The following D2HGDH variants were observed in gnomAD, a reference collection of about 807,000 sequenced individuals.
The protein encoded by D2HGDH is D-2-hydroxyglutarate dehydrogenase, mitochondrial.
In D2HGDH, 31 loss-of-function variants were observed where a neutral mutation model predicts 46.9. That is an observed-to-expected ratio of 0.66 (90% CI 0.50 to 0.89). The LOEUF (loss-of-function observed/expected upper bound fraction) is 0.89, where lower values mean the gene tolerates loss of function less well. D2HGDH is among the 40% of genes least tolerant of loss of function. D2HGDH has a pLI of 0.00. For missense variants in D2HGDH, 698 were observed against 720.8 expected, an observed-to-expected ratio of 0.97 and a Z score of 0.36; for synonymous variants, 364 against 332.6, an observed-to-expected ratio of 1.09 and a Z score of -1.03.
At chr2:241,763,087 C>T (rs1698975780) in intron 9 of D2HGDH, among the ~76,000 whole-genome samples, 2 of 152,238 alleles carry the variant, frequency 1.3e-5, no homozygotes, top group Admixed American at 6.5e-5. Flanking sequence ...TTAATCTCCA[C>T]ATTCTCAGCC....
intron 8 of D2HGDH, chr2:241,755,589 C>T: frequency 6.7e-6 from 10 of 1,487,490 alleles, no homozygotes; most frequent in Non-Finnish European, 9.0e-6. Flanking sequence ...GGGACATTCA[C>T]TGTCTGGGAT....
intron 8 of D2HGDH, chr2:241,755,188 C>T (rs1697961216): frequency 1.0e-5 from 13 of 1,298,846 alleles, no homozygotes; most frequent in South Asian, 3.8e-5. Context: ...CGTGGCCCGC[C>T]CGCCGTGTCC....
chr2:241,737,044 C>A (rs1278554482), intron 2 of D2HGDH, among the ~76,000 whole-genome samples: 1 of 152,142 alleles, frequency 6.6e-6, no homozygotes, highest in Non-Finnish European at 1.5e-5. Flanking sequence ...TCTCGGCTTA[C>A]TGCAAGCTCC....
In D2HGDH at chr2:241,756,025, C is replaced by A; in HGVS notation, c.1306+11C>A. On this transcript the variant is annotated intron_variant, in intron 9 of 9. Coordinates refer to ENST00000321264, the MANE Select transcript of D2HGDH (RefSeq NM_152783.5). ...GCTATGGCCACCTTGGTGAGCGGCG[C>A]CCCGGGGCCGCGGCCCTGTGTGTGC... 1.9e-6 allele frequency: 3 copies of A among 1,592,386 alleles called. No homozygotes were observed. The highest frequency in any genetic ancestry group is 2.6e-6 in the Non-Finnish European group (3 of 1,165,168).
chr2:241,745,063 A>G (rs941849408), intron 6 of D2HGDH, among the ~76,000 whole-genome samples, 186 bp downstream of exon 6: 1 of 152,026 alleles, frequency 6.6e-6, no homozygotes, highest in Non-Finnish European at 1.5e-5. Context: ...CCTGGTGGTC[A>G]TGGGTAAAGG....
chr2:241,759,238 A>G (rs573446532), intron 9 of D2HGDH, among the ~76,000 whole-genome samples: 32 of 152,220 alleles, frequency 2.1e-4, no homozygotes, highest in African/African-American at 6.7e-4. Flanking sequence ...TGTTCATTCT[A>G]CATCCTGCTG....
Position 241,768,198 on chromosome 2 carries a change from C to A in D2HGDH, c.*229C>A, listed in dbSNP as rs1699308851. The A allele has an allele frequency of 1.5e-6, 1 of 675,332 alleles. No individual in the cohort carries two copies. Among genetic ancestry groups the A allele is most frequent in the Non-Finnish European group, 2.4e-6 (1 of 410,588 alleles). 41.8% of individuals were successfully genotyped at this position (675,332 alleles called of 1,614,324 possible). A position where few individuals can be genotyped will look rare whatever the true frequency, so the allele number is the denominator to read the frequency against. On this transcript the variant is annotated 3_prime_UTR_variant, in exon 10 of 10. Transcript: ENST00000321264. ...CCCTCCTTTGCAGGGCGAGGTGGGG[C>A]CTCTGCAGCCATCCTGGACAGGCCG...
At chr2:241,759,681 T>A (rs573178455) in intron 9 of D2HGDH, among the ~76,000 whole-genome samples, 53 of 152,358 alleles carry the variant, frequency 3.5e-4, no homozygotes, top group African/African-American at 1.2e-3. Context: ...CTGCTCTTTG[T>A]CTCTCACTTC....
chr2:241,753,697 G>A (rs941270573), intron 8 of D2HGDH, among the ~76,000 whole-genome samples: 7 of 152,236 alleles, frequency 4.6e-5, no homozygotes, highest in African/African-American at 1.4e-4. Context: ...CAGATGCCCC[G>A]GGCTCCTCTG....
rs183342534 is a variant in D2HGDH at position 241,751,331 on chromosome 2, G to A, written c.1083G>A (p.Ala361=). 4.4e-5 allele frequency: 71 copies of A among 1,613,662 alleles called. No homozygotes were observed. Among genetic ancestry groups the A allele is most frequent in the Non-Finnish European group, 5.8e-5 (68 of 1,180,030 alleles). Residue 361 remains alanine (A), a synonymous_variant, in exon 8 of 10, where the codon GCG becomes GCA. Coordinates refer to ENST00000321264, the MANE Select transcript of D2HGDH (RefSeq NM_152783.5). ...AEKLGHFLEH[A]LGSGLVTDGT... is the part of the protein sequence containing the mutation. ...AGCTGGGCCACTTCCTGGAGCACGC[G>A]CTGGGCTCCGGCCTGGTGACCGATG...
At chr2:241,748,749 G>C (rs1696529191) in intron 6 of D2HGDH, 6 of 1,037,292 alleles carry the variant, frequency 5.8e-6, no homozygotes, top group African/African-American at 5.2e-5. Flanking sequence ...CGGAACGGCT[G>C]GGGCAGCCTT....
intron 9 of D2HGDH, among the ~76,000 whole-genome samples, chr2:241,756,327 G>A (rs571635443): frequency 9.8e-5 from 15 of 152,328 alleles, no homozygotes; most frequent in East Asian, 9.7e-4. Context: ...CCTTAACCCC[G>A]GAGTCCGGGA....
chr2:241,760,887 C>T (rs1698742459), intron 9 of D2HGDH, among the ~76,000 whole-genome samples: 1 of 152,266 alleles, frequency 6.6e-6, no homozygotes. Flanking sequence ...AAATCAGTGT[C>T]TGTCATCTCC....
intron 8 of D2HGDH, among the ~76,000 whole-genome samples, chr2:241,752,242 G>A (rs1025031089): frequency 4.6e-5 from 7 of 152,146 alleles, no homozygotes; most frequent in Non-Finnish European, 7.4e-5. Context: ...GGGCAAAACG[G>A]TGTCTGCTCC....
In D2HGDH at chr2:241,760,047, AGC is replaced by A. The variant is rs1274716278; in HGVS notation, c.1306+4035_1306+4036del. Among the ~76,000 whole-genome samples, 13 of 142,952 alleles carry A rather than the reference AGC, an allele frequency of 9.1e-5. 1 individual carries two copies. Among genetic ancestry groups the A allele is most frequent in the African/African-American group, 3.6e-4 (13 of 36,266 alleles). The allele number at this position is 142,952 out of a possible 152,430, so 93.8% of individuals were successfully genotyped here. A position where few individuals can be genotyped will look rare whatever the true frequency, so the allele number is the denominator to read the frequency against. On this transcript the variant is annotated intron_variant, in intron 9 of 9. Coordinates refer to ENST00000321264, the MANE Select transcript of D2HGDH (RefSeq NM_152783.5). ...CCAATCAGTCGAAGGACTTCGCCAC[AGC>A]GTGGGTGGGCCTTACCCAGTCGAAG...
chr2:241,741,075 TG>T lies in D2HGDH; in HGVS notation c.336del (p.Ser113ProfsTer14). On this transcript the variant is annotated frameshift_variant, in exon 3 of 10. Coordinates refer to ENST00000321264, the MANE Select transcript of D2HGDH (RefSeq NM_152783.5). LOFTEE classifies it high-confidence loss of function. The stretch of plus-strand genomic sequence containing the variant: ...CTGAGGCCACGGACGTCGGAGGAGG[TG>T]TCCCACATCCTCAGGTGAGGTGGTG... ...VLLRPRTSEE[V>X]SHILRHCHER... 1 of 1,613,728 alleles carries T rather than the reference TG, an allele frequency of 6.2e-7. No homozygotes were observed. The highest frequency in any genetic ancestry group is 8.5e-7 in the Non-Finnish European group (1 of 1,179,952).
At chr2:241,749,158 G>A (rs1275202534) in intron 6 of D2HGDH, 4 of 842,882 alleles carry the variant, frequency 4.7e-6, no homozygotes, top group Non-Finnish European at 6.1e-6. Context: ...CCCACTCTGA[G>A]CAAGATGCCC....
intron 3 of D2HGDH, among the ~76,000 whole-genome samples, chr2:241,741,849 C>T (rs1694549493): frequency 1.3e-5 from 2 of 151,456 alleles, no homozygotes; most frequent in Non-Finnish European, 2.9e-5. Context: ...CTTGCTGTCT[C>T]CAGGGTTTAT....
Position 241,768,208 on chromosome 2 carries a change from C to A in D2HGDH, c.*239C>A. 1.6e-6 allele frequency: 1 copy of A among 641,436 alleles called. No individual in the cohort carries two copies. The highest frequency in any genetic ancestry group is 1.8e-5 in the African/African-American group (1 of 54,374). 39.7% of individuals were successfully genotyped at this position (641,436 alleles called of 1,614,324 possible). A position where few individuals can be genotyped will look rare whatever the true frequency, so the allele number is the denominator to read the frequency against. On this transcript the variant is annotated 3_prime_UTR_variant, in exon 10 of 10. Transcript: ENST00000321264. ...CAGGGCGAGGTGGGGCCTCTGCAGC[C>A]ATCCTGGACAGGCCGGGGTGGCGGC...
Sources: gnomAD v4.1 joint callset for allele counts (sites outside exome capture counted in the v4.1 genomes callset) on GRCh38, gnomAD v4.1.1 for gene constraint, MANE v1.5 for transcripts, NCBI Gene and HGNC (gene_info 2026-07-23, HGNC 2026-07-21) for gene names.